GSE1: variants seen among roughly 807,000 people sequenced by gnomAD.
GSE1 encodes the protein genetic suppressor element 1.
Under a neutral mutation model 112.6 loss-of-function variants are expected in GSE1, and 32 were observed. The observed-to-expected ratio is 0.28, with a 90% CI of 0.21 to 0.38. The LOEUF (loss-of-function observed/expected upper bound fraction) is 0.38. Among genes scored for constraint, GSE1 ranks in the 10% least tolerant of loss-of-function variants. GSE1 has a pLI of 1.00. For synonymous variants in GSE1, 1,115 were observed against 735.6 expected (o/e 1.52, Z -8.35); for missense variants, 2,348 against 1,699.2 (o/e 1.38, Z -6.71).
chr16:85,642,386 A>G (rs749679884), intron 2 of GSE1, among the ~76,000 whole-genome samples: 17 of 152,236 alleles, frequency 1.1e-4, no homozygotes, highest in Non-Finnish European at 2.1e-4. Context: ...AAGAGCCCCC[A>G]GGTTAGCAGA....
chr16:85,404,337 G>A (rs1216791139), intron 2 of GSE1, among the ~76,000 whole-genome samples: 2 of 43,468 alleles, frequency 4.6e-5, no homozygotes, highest in African/African-American at 1.1e-4. Context: ...AGGGCCCCCC[G>A]GATAATCCTC....
At chr16:85,237,483 G>A (rs1433310692) in intron 1 of GSE1, among the ~76,000 whole-genome samples, 1 of 152,114 alleles carries the variant, frequency 6.6e-6, no homozygotes, top group Non-Finnish European at 1.5e-5. Flanking sequence ...GTTCCGAGCT[G>A]GGGATTGACA....
chr16:85,314,461 G>A (rs2045942018), intron 1 of GSE1, among the ~76,000 whole-genome samples: 1 of 152,152 alleles, frequency 6.6e-6, no homozygotes, highest in African/African-American at 2.4e-5. Context: ...GGAACAGTGG[G>A]GCCTGGTGAG....
chr16:85,479,773 C>T (rs1173895717), intron 2 of GSE1, among the ~76,000 whole-genome samples: 1 of 152,212 alleles, frequency 6.6e-6, no homozygotes, highest in Non-Finnish European at 1.5e-5. Context: ...CCATGTGTCA[C>T]TGTGTGCCAG....
chr16:85,650,747 C>T (rs1016132349), intron 3 of GSE1, among the ~76,000 whole-genome samples: 2 of 152,146 alleles, frequency 1.3e-5, no homozygotes, highest in African/African-American at 4.8e-5. Flanking sequence ...AGAGGCTCAG[C>T]GGGGCATTTA....
intron 2 of GSE1, among the ~76,000 whole-genome samples, chr16:85,644,903 T>TC (rs2050728856): frequency 1.3e-5 from 2 of 151,830 alleles, no homozygotes; most frequent in Admixed American, 6.6e-5. Context: ...TTATTTTTTT[T>TC]CCCCAAAAAC....
At chr16:85,273,658 A>G (rs1426341450) in intron 1 of GSE1, among the ~76,000 whole-genome samples, 5 of 152,094 alleles carry the variant, frequency 3.3e-5, no homozygotes, top group Non-Finnish European at 5.9e-5. Context: ...GAGGAGGAAG[A>G]AGAGGAGTGA....
intron 2 of GSE1, among the ~76,000 whole-genome samples, chr16:85,459,928 T>A (rs2049927259): frequency 6.6e-6 from 1 of 152,208 alleles, no homozygotes; most frequent in African/African-American, 2.4e-5. Context: ...TGGTTGGATC[T>A]CAGTCCAGGC....
chr16:85,582,454 T>TGG (rs2151388835), intron 1 of GSE1, among the ~76,000 whole-genome samples: 1 of 152,290 alleles, frequency 6.6e-6, no homozygotes, highest in East Asian at 1.9e-4. Flanking sequence ...TTTTGGGGAC[T>TGG]GGCCAGAGCC....
At chr16:85,447,213 A>AG (rs1227296679) in intron 2 of GSE1, among the ~76,000 whole-genome samples, 1 of 152,124 alleles carries the variant, frequency 6.6e-6, no homozygotes, top group Non-Finnish European at 1.5e-5. Flanking sequence ...AGGAGTGTGC[A>AG]GCACCCCCAG....
rs151331369 is a variant in GSE1, at chr16:85,502,473, C to A, written c.2465-131441C>A. ...AGGCTCAGCAGGGAGCAGTCTGGTT[C>A]CAAAGTTCCCGCTATTACCGGTGAG... On this transcript the variant is annotated intron_variant, in intron 2 of 2. Coordinates refer to the GSE1 transcript ENST00000637419. 6.6e-5 allele frequency among the ~76,000 whole-genome samples: 10 copies of A among 152,298 alleles called. No homozygotes were observed. In the East Asian group the frequency reaches 1.9e-3, roughly 29 times the overall value.
At chr16:85,314,336 T>G (rs1392666335) in intron 1 of GSE1, among the ~76,000 whole-genome samples, 5 of 151,984 alleles carry the variant, frequency 3.3e-5, no homozygotes, top group African/African-American at 1.2e-4. Context: ...AGGTCTTGAG[T>G]CTGCGCTGGG....
chr16:85,425,422 G>A (rs1291235612), intron 2 of GSE1, among the ~76,000 whole-genome samples: 1 of 152,190 alleles, frequency 6.6e-6, no homozygotes, highest in African/African-American at 2.4e-5. Flanking sequence ...TTGGAGGCAG[G>A]TGTGCTGCCG....
chr16:85,322,473 A>T (rs1274890775), intron 1 of GSE1, among the ~76,000 whole-genome samples: 1 of 152,192 alleles, frequency 6.6e-6, no homozygotes. Flanking sequence ...GCAGTGACCA[A>T]GGGACTGTTT....
At chr16:85,516,868 A>G (rs1041319561) in intron 2 of GSE1, among the ~76,000 whole-genome samples, 12 of 139,170 alleles carry the variant, frequency 8.6e-5, no homozygotes, top group Middle Eastern at 8.2e-3. Context: ...CGTGATCTCC[A>G]CTTACTGCAA....
exon 2 of GSE1, chr16:85,357,601 C>G: frequency 7.8e-7 from 1 of 1,289,044 alleles, no homozygotes; most frequent in Non-Finnish European, 1.0e-6. Flanking sequence ...ACAGTGTCTG[C>G]AGAGCAGCCG....
At chr16:85,348,246 C>A (rs1249525918) in intron 1 of GSE1, among the ~76,000 whole-genome samples, 2 of 152,102 alleles carry the variant, frequency 1.3e-5, no homozygotes, top group Non-Finnish European at 2.9e-5. Context: ...CATCATCCAT[C>A]CATCCATCAT....
At chr16:85,308,691 G>A (rs1196615596) in intron 1 of GSE1, among the ~76,000 whole-genome samples, 2 of 151,790 alleles carry the variant, frequency 1.3e-5, no homozygotes, top group African/African-American at 4.8e-5. Flanking sequence ...ACATTGCCTG[G>A]GGAAGGCTCT....
intron 1 of GSE1, among the ~76,000 whole-genome samples, chr16:85,248,278 G>A (rs987016241): frequency 3.9e-5 from 6 of 152,046 alleles, no homozygotes; most frequent in African/African-American, 1.5e-4. Context: ...TTCTCTGACC[G>A]TTTGTCTTCC....
Sources: allele counts gnomAD v4.1 joint callset (sites outside exome capture counted in the v4.1 genomes callset), GRCh38; gene constraint gnomAD v4.1.1; transcripts MANE v1.5; gene names NCBI Gene and HGNC (gene_info 2026-07-23, HGNC 2026-07-21).